ZNF573: variants seen among roughly 807,000 people sequenced by gnomAD.
ZNF573 encodes zinc finger protein 573.
Under a neutral mutation model 57.4 loss-of-function variants are expected in ZNF573, and 41 were observed. That is an observed-to-expected ratio of 0.71 (90% CI 0.56 to 0.93). ZNF573 has a LOEUF of 0.93. ZNF573 is among the 40% of genes least tolerant of loss of function. The pLI is 0.00. For missense variants in ZNF573, 730 were observed against 794.8 expected, an observed-to-expected ratio of 0.92 and a Z score of 0.98; for synonymous variants, 249 against 261.0, an observed-to-expected ratio of 0.95 and a Z score of 0.44.
intron 4 of ZNF573, among the ~76,000 whole-genome samples, chr19:37,745,206 C>T (rs577063431): frequency 4.6e-5 from 7 of 151,964 alleles, no homozygotes; most frequent in Non-Finnish European, 8.8e-5. Context: ...TCCCGAGTAG[C>T]TGGGGCCACA....
Position 37,758,205 on chromosome 19 carries a change from ATAT to A in ZNF573, c.295+11797_295+11799del, listed in dbSNP as rs2045511814. On this transcript the variant is annotated intron_variant, in intron 4 of 4. Coordinates refer to ENST00000536220, the MANE Select transcript of ZNF573 (RefSeq NM_001172690.2). ...CCTAGAACTTAAAGTATAATAAAAT[ATAT>A]ATATATATATATATATATATATATA... is the stretch of plus-strand genomic sequence containing the variant. Among the ~76,000 whole-genome samples the A allele has an allele frequency of 3.9e-4, 14 of 36,080 alleles. 1 individual carries two copies. The highest frequency in any genetic ancestry group is 2.0e-3 in the East Asian group (1 of 508). The allele number at this position is 36,080 out of a possible 152,430, so 23.7% of individuals were successfully genotyped here.
intron 4 of ZNF573, among the ~76,000 whole-genome samples, chr19:37,754,055 C>G (rs918675546): frequency 1.3e-5 from 2 of 151,988 alleles, no homozygotes; most frequent in African/African-American, 4.8e-5. Flanking sequence ...ATGTCAGATA[C>G]ATAAAAGGGA....
intron 1 of ZNF573, among the ~76,000 whole-genome samples, chr19:37,777,698 C>A (rs2045722167): frequency 6.6e-6 from 1 of 150,716 alleles, no homozygotes. Flanking sequence ...CGAGACTGCG[C>A]CACTGCACTC....
chr19:37,740,588 T>G (rs773416294), intron 4 of ZNF573: 1 of 458,052 alleles, frequency 2.2e-6, no homozygotes, highest in Non-Finnish European at 4.4e-6. Flanking sequence ...TCGAGTGATT[T>G]TTCACTGTTC....
intron 4 of ZNF573, among the ~76,000 whole-genome samples, chr19:37,760,238 G>T (rs1278692933): frequency 6.6e-6 from 1 of 151,726 alleles, no homozygotes; most frequent in African/African-American, 2.4e-5. Context: ...AAAAGGAACT[G>T]GTGCTCCTTA....
chr19:37,778,975 C>A (rs1599714033), intron 1 of ZNF573, among the ~76,000 whole-genome samples: 1 of 152,160 alleles, frequency 6.6e-6, no homozygotes, highest in East Asian at 1.9e-4. Context: ...TCCAATCTCA[C>A]AGCAAGTCAA....
At chr19:37,742,660 T>A (rs1397498378) in intron 4 of ZNF573, among the ~76,000 whole-genome samples, 1 of 152,146 alleles carries the variant, frequency 6.6e-6, no homozygotes, top group Non-Finnish European at 1.5e-5. Flanking sequence ...TCCTTACACC[T>A]TATGTAACAA....
chr19:37,771,781 G>A, intron 2 of ZNF573, 85 bp from the exon 3 acceptor site: 2 of 1,405,980 alleles, frequency 1.4e-6, no homozygotes, highest in Non-Finnish European at 1.9e-6. Context: ...GAGAAAAGGA[G>A]TGATATAGTA....
chr19:37,775,506 C>A (rs1413769991), intron 1 of ZNF573, among the ~76,000 whole-genome samples: 2 of 152,154 alleles, frequency 1.3e-5, no homozygotes, highest in Non-Finnish European at 2.9e-5. Context: ...CTTCACTATA[C>A]ACTGACTTAC....
chr19:37,778,840 G>C (rs1397454702), intron 1 of ZNF573, among the ~76,000 whole-genome samples: 1 of 152,102 alleles, frequency 6.6e-6, no homozygotes, highest in Non-Finnish European at 1.5e-5. Flanking sequence ...ATGGAGGTAG[G>C]AGAGAGGCTG....
At chr19:37,744,766 A>G (rs1599684213) in intron 4 of ZNF573, among the ~76,000 whole-genome samples, 1 of 151,366 alleles carries the variant, frequency 6.6e-6, no homozygotes, top group Non-Finnish European at 1.5e-5. Flanking sequence ...AGAAAAAAAA[A>G]AAGAAAAAAG....
At position 37,744,188 on chromosome 19, in the gene ZNF573, T is replaced by G. The variant is rs1417162666; in HGVS notation, c.296-3994A>C. ...AAAAAGGTATGAAAGGGTTTATAAC[T>G]CTCATCATGAGGCTTTCTAGAGAGC... On this transcript the variant is annotated intron_variant, in intron 4 of 4. Transcript: ENST00000536220. 4.6e-5 allele frequency among the ~76,000 whole-genome samples: 7 copies of G among 151,658 alleles called. No individual in the cohort carries two copies. The South Asian group carries it at 1.5e-3, about 32-fold the overall frequency.
chr19:37,778,382 A>G (rs1300490561), intron 1 of ZNF573: 1 of 142,636 alleles, frequency 7.0e-6, no homozygotes, highest in Non-Finnish European at 1.5e-5. Context: ...TTGTATTTTT[A>G]GTAGTGATGG....
rs1237676427 is a variant in ZNF573 at position 37,772,491 on chromosome 19, C to G, written c.70-795G>C. Among the ~76,000 whole-genome samples, 3 of 152,056 alleles carry G rather than the reference C, an allele frequency of 2.0e-5. No homozygotes were observed. In the East Asian group the frequency reaches 5.8e-4, roughly 29 times the overall value. ...AACATTTAGACATTTCCACAAGTCT[C>G]AAGTTACATCATTATGTCAGAGCAC... On this transcript the variant is annotated intron_variant, in intron 2 of 4. Transcript: ENST00000536220.
intron 4 of ZNF573, among the ~76,000 whole-genome samples, chr19:37,757,884 C>T (rs1042174724): frequency 3.3e-5 from 5 of 151,876 alleles, no homozygotes; most frequent in African/African-American, 1.2e-4. Flanking sequence ...GAGTTCATGT[C>T]CGTTGTAGGG....
chr19:37,771,750 G>A (rs1165518026), intron 2 of ZNF573, 54 bp from the exon 3 acceptor site: 1 of 1,548,398 alleles, frequency 6.5e-7, no homozygotes, highest in African/African-American at 1.4e-5. Flanking sequence ...AGGAAAGATA[G>A]GAGATTACAA....
intron 4 of ZNF573, among the ~76,000 whole-genome samples, chr19:37,746,606 G>A (rs1599685711): frequency 6.6e-6 from 1 of 151,902 alleles, no homozygotes; most frequent in African/African-American, 2.4e-5. Context: ...TTGGGACGGA[G>A]TCTTGCTCTG....
At chr19:37,771,285 T>G (rs915393926) in intron 3 of ZNF573, among the ~76,000 whole-genome samples, 1 of 151,588 alleles carries the variant, frequency 6.6e-6, no homozygotes, top group Admixed American at 6.6e-5. Context: ...TAATATATAA[T>G]TTAATAATAA....
intron 2 of ZNF573, among the ~76,000 whole-genome samples, chr19:37,772,528 T>C (rs1431453409): frequency 1.3e-5 from 2 of 152,230 alleles, no homozygotes; most frequent in Admixed American, 1.3e-4. Context: ...TAAGCATTTT[T>C]CTTAATTTTG....
Sources: gnomAD v4.1 joint callset for allele counts (sites outside exome capture counted in the v4.1 genomes callset) on GRCh38, gnomAD v4.1.1 for gene constraint, MANE v1.5 for transcripts, NCBI Gene and HGNC (gene_info 2026-07-23, HGNC 2026-07-21) for gene names.